The following FAM162B variants were observed in gnomAD, a reference collection of about 807,000 sequenced individuals.
FAM162B encodes family with sequence similarity 162 member B, also known as protein FAM162B.
Under a neutral mutation model 20.0 loss-of-function variants are expected in FAM162B, and 16 were observed. The ratio of observed to expected loss-of-function variants is 0.80; its 90% confidence interval spans 0.54 to 1.21. FAM162B has a LOEUF of 1.21. Among genes scored for constraint, FAM162B ranks in the 50% most tolerant of loss-of-function variants. FAM162B has a pLI of 0.00. For missense variants in FAM162B, 260 were observed against 227.5 expected, an observed-to-expected ratio of 1.14 and a Z score of -0.92; for synonymous variants, 83 against 89.7, an observed-to-expected ratio of 0.93 and a Z score of 0.42.
At chr6:116,762,317 T>C (rs1196533771) in intron 2 of FAM162B, among the ~76,000 whole-genome samples, 1 of 152,176 alleles carries the variant, frequency 6.6e-6, no homozygotes, top group Non-Finnish European at 1.5e-5. Context: ...GAAACCACTG[T>C]ATAGAATATT....
intron 3 of FAM162B, among the ~76,000 whole-genome samples, chr6:116,753,955 A>G (rs1384055119): frequency 6.6e-6 from 1 of 152,182 alleles, no homozygotes; most frequent in Non-Finnish European, 1.5e-5. Flanking sequence ...TAAAAGATAA[A>G]CGATTTTCAT....
chr6:116,762,048 C>T lies in FAM162B; in HGVS notation c.319G>A (p.Val107Met), dbSNP rs1771792980. ...MIDTARNKAR[V>M]KACYIMIGLT... The stretch of plus-strand genomic sequence containing the variant: ...CCAATCATTATGTAACAAGCTTTCA[C>T]TCGAGCTTTGTTTCTTGCGGTGTCT... The change falls in exon 3 of 4, where the codon GTG (valine) becomes ATG (methionine). Residue 107 changes from valine (V) to methionine (M), a missense_variant. By Grantham distance (21) the Val-to-Met change is conservative. Transcript: ENST00000368557. The T allele has an allele frequency of 6.3e-7, 1 of 1,596,468 alleles. No homozygotes were observed. The highest frequency in any genetic ancestry group is 8.6e-7 in the Non-Finnish European group (1 of 1,167,138).
Position 116,758,080 on chromosome 6 carries a change from T to G in FAM162B, c.390+3897A>C, listed in dbSNP as rs556137671. On this transcript the variant is annotated intron_variant, in intron 3 of 3. Transcript: ENST00000368557. ...ACAACTAATGACGAGCAAATAAACC[T>G]GAGAATTCCTGGAATGAAAACCTTG... Among the ~76,000 whole-genome samples, 33 of 152,272 alleles carry G rather than the reference T, an allele frequency of 2.2e-4. No individual in the cohort carries two copies. In the South Asian group the frequency reaches 3.7e-3, roughly 17 times the overall value.
At chr6:116,754,271 T>C (rs1780027921) in intron 3 of FAM162B, among the ~76,000 whole-genome samples, 1 of 152,098 alleles carries the variant, frequency 6.6e-6, no homozygotes, top group South Asian at 2.1e-4. Context: ...CTCCAGTAGA[T>C]TGAACTCAGA....
Position 116,762,579 on chromosome 6 carries a change from A to C in FAM162B, c.282-494T>G, listed in dbSNP as rs575297923. Among the ~76,000 whole-genome samples the C allele has an allele frequency of 2.6e-5, 4 of 151,994 alleles. No individual in the cohort carries two copies. The East Asian group carries it at 7.7e-4, about 29-fold the overall frequency. On this transcript the variant is annotated intron_variant, in intron 2 of 3. Coordinates refer to ENST00000368557, the MANE Select transcript of FAM162B (RefSeq NM_001085480.3). ...TTCACATGCTACCCCCAAAAGACAC[A>C]CTATTATCCAGCTTGTGAGAATGTC...
intron 2 of FAM162B, 81 bp downstream of exon 2, chr6:116,765,066 G>T: frequency 1.4e-6 from 2 of 1,381,504 alleles, no homozygotes; most frequent in Non-Finnish European, 1.0e-6. Context: ...GCTCCTAGGT[G>T]GCCGCGGTCG....
rs543064625 is a variant in FAM162B, at chr6:116,754,330, CA to C, written c.391-1636del. On this transcript the variant is annotated intron_variant, in intron 3 of 3. Transcript: ENST00000368557. ...AGATACTGATTCAGCACTGATTCGG[CA>C]GAAGAAAATATTTGCTAATCAAGCA... is the stretch of plus-strand genomic sequence containing the variant. Among the ~76,000 whole-genome samples the C allele has an allele frequency of 1.2e-4, 18 of 152,220 alleles. No individual in the cohort carries two copies. The South Asian group carries it at 2.5e-3, about 21-fold the overall frequency.
chr6:116,765,464 C>T lies in FAM162B; in HGVS notation c.113G>A (p.Arg38Gln). The change falls in exon 1 of 4, where the codon CGG becomes CAG. Residue 38 changes from arginine to glutamine, a missense_variant. By Grantham distance (43) the Arg-to-Gln change is conservative (BLOSUM62 1). Transcript: ENST00000368557. Reference protein sequence around the residue: ...TRRPAPALPPRGLPCYSSGGA... With the variant: ...TRRPAPALPPQGLPCYSSGGA... Reference sequence around the variant, plus strand: ...GCCGCTGGAGTAGCAGGGGAGACCCCGGGGCGGAAGAGCCGGTGCGGGCCG... The same window carrying T: ...GCCGCTGGAGTAGCAGGGGAGACCCTGGGGCGGAAGAGCCGGTGCGGGCCG... 1 of 1,424,848 alleles carries T rather than the reference C, an allele frequency of 7.0e-7. No individual in the cohort carries two copies. 88.3% of individuals were successfully genotyped at this position (1,424,848 alleles called of 1,614,324 possible). A position where few individuals can be genotyped will look rare whatever the true frequency, so the allele number is the denominator to read the frequency against.
In FAM162B at chr6:116,752,731, T is replaced by TATATATATATATATATATAG. The variant is rs1554259842; in HGVS notation, c.391-37_391-36insCTATATATATATATATATAT. On this transcript the variant is annotated intron_variant, in intron 3 of 3. Coordinates refer to ENST00000368557, the MANE Select transcript of FAM162B (RefSeq NM_001085480.3). ...GAAGAAATATATATATATATATATA[T>TATATATATATATATATATAG]ATAGATACACGTATATATATATATA... 4 of 426,156 alleles carry TATATATATATATATATATAG rather than the reference T, an allele frequency of 9.4e-6. No individual in the cohort carries two copies. The African/African-American group carries it at 1.1e-4, about 12-fold the overall frequency. The allele number at this position is 426,156 out of a possible 1,614,324, so 26.4% of individuals were successfully genotyped here. A position where few individuals can be genotyped will look rare whatever the true frequency, so the allele number is the denominator to read the frequency against.
chr6:116,757,359 C>T (rs1200729292), intron 3 of FAM162B, among the ~76,000 whole-genome samples: 1 of 152,098 alleles, frequency 6.6e-6, no homozygotes, highest in East Asian at 1.9e-4. Flanking sequence ...TGTATTGTTA[C>T]TATATGAAAA....
intron 3 of FAM162B, among the ~76,000 whole-genome samples, chr6:116,752,939 G>T (rs1780009677): frequency 6.6e-6 from 1 of 151,806 alleles, no homozygotes; most frequent in Non-Finnish European, 1.5e-5. Context: ...GACTTTTTCA[G>T]AAGTGAGGAA....
chr6:116,759,245 A>G (rs2114550163), intron 3 of FAM162B, among the ~76,000 whole-genome samples: 1 of 147,348 alleles, frequency 6.8e-6, no homozygotes, highest in East Asian at 2.0e-4. Flanking sequence ...TACGTGCCTT[A>G]CCTTTTTTGT....
chr6:116,756,053 C>T (rs1472836277), intron 3 of FAM162B, among the ~76,000 whole-genome samples: 1 of 152,150 alleles, frequency 6.6e-6, no homozygotes, highest in Non-Finnish European at 1.5e-5. Flanking sequence ...AAAAAGGTGT[C>T]ATTTCAACTT....
At chr6:116,758,040 C>T (rs900211636) in intron 3 of FAM162B, among the ~76,000 whole-genome samples, 1 of 152,064 alleles carries the variant, frequency 6.6e-6, no homozygotes, top group Non-Finnish European at 1.5e-5. Context: ...AAAAATGATA[C>T]AGTAGAGAAG....
chr6:116,761,753 CAT>C (rs201994105), intron 3 of FAM162B, among the ~76,000 whole-genome samples: 8,811 of 145,928 alleles, frequency 0.06, 404 homozygotes, highest in African/African-American at 0.13. Flanking sequence ...CACACACACA[CAT>C]ATATATATAT....
chr6:116,761,308 G>C (rs1001972013), intron 3 of FAM162B, among the ~76,000 whole-genome samples: 1 of 152,110 alleles, frequency 6.6e-6, no homozygotes, highest in Non-Finnish European at 1.5e-5. Context: ...CATACATTGA[G>C]AAAGGCAAGG....
At chr6:116,754,623 T>C (rs1019406057) in intron 3 of FAM162B, among the ~76,000 whole-genome samples, 2 of 152,192 alleles carry the variant, frequency 1.3e-5, no homozygotes, top group Admixed American at 6.6e-5. Flanking sequence ...AGTTCTATAA[T>C]ACAGAAGAAT....
At position 116,765,548 on chromosome 6, in the gene FAM162B, C is replaced by T. The variant is rs1049922955; in HGVS notation, c.29G>A (p.Arg10His). Residue 10 changes from arginine to histidine, a missense_variant, in exon 1 of 4, where the codon CGC becomes CAC. Arg to His is a conservative substitution (Grantham distance 29). Coordinates refer to ENST00000368557, the MANE Select transcript of FAM162B (RefSeq NM_001085480.3). MLRAVGSLLRLGRGLTVRCG... is the reference protein window; with the variant it reads MLRAVGSLLHLGRGLTVRCG... ...GCGGACTGTTAGCCCGCGGCCAAGGCGCAGTAGGCTCCCGACCGCCCTGAG... is the reference window on the plus strand; with the variant it reads ...GCGGACTGTTAGCCCGCGGCCAAGGTGCAGTAGGCTCCCGACCGCCCTGAG... 14 of 1,384,480 alleles carry T rather than the reference C, an allele frequency of 1.0e-5. No homozygotes were observed. Among genetic ancestry groups the T allele is most frequent in the South Asian group, 1.7e-5 (1 of 57,274 alleles). 85.8% of individuals were successfully genotyped at this position (1,384,480 alleles called of 1,614,324 possible).
At position 116,765,542 on chromosome 6, in the gene FAM162B, C is replaced by G; in HGVS notation, c.35G>C (p.Gly12Ala). 7.2e-7 allele frequency: 1 copy of G among 1,388,452 alleles called. No homozygotes were observed. Among genetic ancestry groups the G allele is most frequent in the Non-Finnish European group, 9.3e-7 (1 of 1,079,746 alleles). 86.0% of individuals were successfully genotyped at this position (1,388,452 alleles called of 1,614,324 possible). A position where few individuals can be genotyped will look rare whatever the true frequency, so the allele number is the denominator to read the frequency against. ...LRAVGSLLRL[G>A]RGLTVRCGPG... ...GCCGCAGCGGACTGTTAGCCCGCGG[C>G]CAAGGCGCAGTAGGCTCCCGACCGC... Residue 12 changes from glycine (G) to alanine (A), a missense_variant, in exon 1 of 4, where the codon GGC becomes GCC. Physicochemically the swap from Gly to Ala is moderately conservative, Grantham distance 60 (BLOSUM62 0). Transcript: ENST00000368557.
Sources: allele counts gnomAD v4.1 joint callset (sites outside exome capture counted in the v4.1 genomes callset), GRCh38; gene constraint gnomAD v4.1.1; transcripts MANE v1.5; gene names NCBI Gene and HGNC (gene_info 2026-07-23, HGNC 2026-07-21).